The following ROCK2 variants were observed in gnomAD, a reference collection of about 807,000 sequenced individuals.
ROCK2 encodes the protein Rho associated coiled-coil containing protein kinase 2.
ROCK2 carries 61 observed loss-of-function variants against 195.1 expected under a neutral mutation model. That is an observed-to-expected ratio of 0.31 (90% CI 0.25 to 0.39). The LOEUF is 0.39. Among genes scored for constraint, ROCK2 ranks in the 10% least tolerant of loss-of-function variants. The pLI, the probability that ROCK2 is intolerant of heterozygous loss-of-function variation, is 1.00. For synonymous variants in ROCK2, 504 were observed against 545.5 expected, an observed-to-expected ratio of 0.92 and a Z score of 1.06; for missense variants, 1,109 against 1,637.4, an observed-to-expected ratio of 0.68 and a Z score of 5.57.
At chr2:11,328,400 A>T (rs1328950790) in intron 1 of ROCK2, among the ~76,000 whole-genome samples, 1 of 152,212 alleles carries the variant, frequency 6.6e-6, no homozygotes, top group East Asian at 1.9e-4. Context: ...ATAGTTTTTC[A>T]ACTGTCTGTA....
chr2:11,207,084 A>G (rs575786405), intron 20 of ROCK2, among the ~76,000 whole-genome samples: 1 of 152,144 alleles, frequency 6.6e-6, no homozygotes, highest in Non-Finnish European at 1.5e-5. Context: ...TATTTACTAT[A>G]TATTTTATCT....
intron 5 of ROCK2, among the ~76,000 whole-genome samples, chr2:11,232,163 G>A (rs1002862206): frequency 1.3e-5 from 2 of 150,086 alleles, no homozygotes; most frequent in African/African-American, 2.5e-5. Flanking sequence ...TTGCTCTGTC[G>A]CCCAGGCTGG....
chr2:11,218,969 AT>A lies in ROCK2; in HGVS notation c.1316del (p.Asn439MetfsTer14). On this transcript the variant is annotated frameshift_variant, in exon 10 of 33. Coordinates refer to ENST00000315872, the MANE Select transcript of ROCK2 (RefSeq NM_004850.5). LOFTEE classifies it high-confidence loss of function. ...RETDSIQSRK[N>X]EESQEIQKKL... The stretch of plus-strand genomic sequence containing the variant: ...AGCAGTAAAAATGTATACGTACTTC[AT>A]TTTTCCTTGATTGTATGGAATCAGT... 5 of 1,452,826 alleles carry A rather than the reference AT, an allele frequency of 3.4e-6. No individual in the cohort carries two copies. Among genetic ancestry groups the A allele is most frequent in the South Asian group, 1.2e-5 (1 of 80,240 alleles). 90.0% of individuals were successfully genotyped at this position (1,452,826 alleles called of 1,614,324 possible).
At chr2:11,202,504 A>G (rs923320731) in intron 20 of ROCK2, among the ~76,000 whole-genome samples, 5 of 150,738 alleles carry the variant, frequency 3.3e-5, no homozygotes, top group Middle Eastern at 3.2e-3. Flanking sequence ...AATTATTATT[A>G]TTTTTGTTTT....
intron 3 of ROCK2, among the ~76,000 whole-genome samples, chr2:11,283,287 G>A (rs1437376876): frequency 2.7e-5 from 4 of 150,064 alleles, no homozygotes; most frequent in Admixed American, 6.7e-5. Flanking sequence ...GAGGCTGGGC[G>A]CAGTGGCTCA....
intron 1 of ROCK2, among the ~76,000 whole-genome samples, chr2:11,293,821 CT>C (rs1293554607): frequency 6.6e-6 from 1 of 152,114 alleles, no homozygotes; most frequent in Non-Finnish European, 1.5e-5. Context: ...GAGAATGAAC[CT>C]TTACAATGAG....
chr2:11,339,996 T>C (rs924302196), intron 1 of ROCK2, among the ~76,000 whole-genome samples: 1 of 152,240 alleles, frequency 6.6e-6, no homozygotes, highest in African/African-American at 2.4e-5. Flanking sequence ...AAGAGGGCTA[T>C]CTGATCAAGA....
In ROCK2 at chr2:11,192,827, A is replaced by C; in HGVS notation, c.3688-115T>G. 8.5e-7 allele frequency: 1 copy of C among 1,175,620 alleles called. No homozygotes were observed. The highest frequency in any genetic ancestry group is 1.2e-6 in the Non-Finnish European group (1 of 858,204). The allele number at this position is 1,175,620 out of a possible 1,614,324, so 72.8% of individuals were successfully genotyped here. On this transcript the variant is annotated intron_variant, in intron 30 of 32. Transcript: ENST00000315872. The surrounding 1 kb of genome is among the most constrained non-coding windows in gnomAD (Gnocchi z 5.0). The stretch of plus-strand genomic sequence containing the variant: ...AGCCTAAATTATTCAAAGAGAAGAA[A>C]ATGTATCTGAAGTACAAACTTAAGC...
chr2:11,296,005 G>GGGGAGAGAGAGAGAGGGGAGAGA (rs766082679), intron 1 of ROCK2, among the ~76,000 whole-genome samples: 1 of 10,334 alleles, frequency 9.7e-5, no homozygotes, highest in African/African-American at 2.0e-4. Flanking sequence ...GAGAGAGAGA[G>GGGGAGAGAGAGAGAGGGGAGAGA]GAGAGAGAGA....
rs146186722 is a variant in ROCK2 at position 11,212,292 on chromosome 2, A to G, written c.2044-452T>C. On this transcript the variant is annotated intron_variant, in intron 17 of 32. Transcript: ENST00000315872. ...CGTCTTCACTCAAACCTTTTAGAAT[A>G]GTAATCTATATACTCTACTTCTCTA... Among the ~76,000 whole-genome samples, 463 of 152,168 alleles carry G rather than the reference A, an allele frequency of 3.0e-3. 2 individuals are homozygous for G. The highest frequency in any genetic ancestry group is 9.9e-3 in the African/African-American group (412 of 41,494).
intron 1 of ROCK2, among the ~76,000 whole-genome samples, chr2:11,320,975 A>G (rs998898379): frequency 1.3e-5 from 2 of 152,208 alleles, no homozygotes; most frequent in Non-Finnish European, 2.9e-5. Flanking sequence ...TATCTACATG[A>G]GACTACATGA....
intron 1 of ROCK2, among the ~76,000 whole-genome samples, chr2:11,341,510 CAG>C (rs1178052754): frequency 1.3e-5 from 2 of 152,192 alleles, no homozygotes; most frequent in Non-Finnish European, 2.9e-5. Flanking sequence ...TTGTTTCCTA[CAG>C]AGTTTTACCT....
chr2:11,316,047 G>A (rs1261307638), intron 1 of ROCK2, among the ~76,000 whole-genome samples: 1 of 151,996 alleles, frequency 6.6e-6, no homozygotes, highest in East Asian at 1.9e-4. Context: ...CTATTATACT[G>A]GAAAGAGAAG....
chr2:11,215,293 A>G, intron 15 of ROCK2, 28 bp downstream of exon 15: 1 of 1,530,114 alleles, frequency 6.5e-7, no homozygotes, highest in African/African-American at 1.4e-5. Flanking sequence ...AAAACCCAGT[A>G]TCTTTACTAC....
At chr2:11,281,159 T>C (rs1199409122) in intron 3 of ROCK2, among the ~76,000 whole-genome samples, 2 of 137,268 alleles carry the variant, frequency 1.5e-5, no homozygotes, top group Non-Finnish European at 3.1e-5. Context: ...GATGATCATA[T>C]CATAGATGCA....
chr2:11,304,778 G>A (rs891756135), intron 1 of ROCK2, among the ~76,000 whole-genome samples: 1 of 152,038 alleles, frequency 6.6e-6, no homozygotes. Context: ...CCTTCTAAAC[G>A]TTTCGAAATC....
chr2:11,331,032 G>GGGAGGAGGAA, intron 1 of ROCK2, among the ~76,000 whole-genome samples: 1 of 111,286 alleles, frequency 9.0e-6, no homozygotes, highest in Non-Finnish European at 1.9e-5. Flanking sequence ...GGGAGGAGGA[G>GGGAGGAGGAA]GGAGGAGGAG....
chr2:11,224,510 A>G, intron 6 of ROCK2, 50 bp from the exon 7 acceptor site: 2 of 1,536,744 alleles, frequency 1.3e-6, no homozygotes, highest in Non-Finnish European at 1.8e-6. Context: ...ATGCAAAGGA[A>G]ACACTTTTCA....
At chr2:11,339,196 T>C (rs571329039) in intron 1 of ROCK2, among the ~76,000 whole-genome samples, 2 of 152,352 alleles carry the variant, frequency 1.3e-5, no homozygotes, top group Admixed American at 1.3e-4. Context: ...AGTATACTAA[T>C]ATCTCCAATT....
Sources: gnomAD v4.1 joint callset for allele counts (sites outside exome capture counted in the v4.1 genomes callset) on GRCh38, gnomAD v4.1.1 for gene constraint, Gnocchi (gnomAD v3.1) non-coding constraint, MANE v1.5 for transcripts, NCBI Gene and HGNC (gene_info 2026-07-23, HGNC 2026-07-21) for gene names.